PTPRG: variants seen among roughly 807,000 people sequenced by gnomAD.
PTPRG encodes protein tyrosine phosphatase receptor type G.
Under a neutral mutation model 165.3 loss-of-function variants are expected in PTPRG, and 102 were observed. The ratio of observed to expected loss-of-function variants is 0.62; its 90% CI spans 0.53 to 0.73. The LOEUF (loss-of-function observed/expected upper bound fraction) is 0.73. PTPRG is among the 30% of genes least tolerant of loss of function. The pLI, the probability that PTPRG is intolerant of heterozygous loss-of-function variation, is 0.00. For missense variants in PTPRG, 1,866 were observed against 1,861.4 expected (o/e 1.00, Z -0.05); for synonymous variants, 675 against 669.5 (o/e 1.01, Z -0.13).
Position 61,956,358 on chromosome 3 carries a change from G to A in PTPRG, c.191-33267G>A, listed in dbSNP as rs1007994559. Among the ~76,000 whole-genome samples the A allele has an allele frequency of 5.9e-5, 9 of 152,116 alleles. No individual in the cohort carries two copies. The South Asian group carries it at 1.5e-3, about 25-fold the overall frequency. On this transcript the variant is annotated intron_variant, in intron 2 of 29. Coordinates refer to ENST00000474889, the MANE Select transcript of PTPRG (RefSeq NM_002841.4). ...ATTCTACAGGGAAGAAGAGACAGTTGGAGACACTAATATTCCAGCTGTCGG... is the reference window on the plus strand; with the variant it reads ...ATTCTACAGGGAAGAAGAGACAGTTAGAGACACTAATATTCCAGCTGTCGG...
intron 2 of PTPRG, among the ~76,000 whole-genome samples, chr3:61,923,927 T>A (rs1248813775): frequency 6.6e-6 from 1 of 152,160 alleles, no homozygotes; most frequent in African/African-American, 2.4e-5. Context: ...ACGATTCATC[T>A]TCGAGAATAA....
chr3:62,001,152 T>C (rs2041163894), intron 3 of PTPRG, among the ~76,000 whole-genome samples: 1 of 152,218 alleles, frequency 6.6e-6, no homozygotes, highest in South Asian at 2.1e-4. Context: ...GCTGGGGAAG[T>C]TCTCTCATTC....
At chr3:61,938,666 G>C (rs532408771) in intron 2 of PTPRG, among the ~76,000 whole-genome samples, 1 of 152,264 alleles carries the variant, frequency 6.6e-6, no homozygotes, top group East Asian at 1.9e-4. Flanking sequence ...GGTGCGGTCA[G>C]TTGAAATATT....
chr3:62,243,857 G>A lies in PTPRG; in HGVS notation c.2426G>A (p.Arg809Gln), dbSNP rs777372586. ...HFYVEDSSSP[R>Q]VVPNESIPII... ...TATGTGGAAGACAGCAGTTCACCTC[G>A]AGTGGTCCCTAATGAAAGTATCCCT... The change falls in exon 15 of 30, where the codon CGA (arginine) becomes CAA (glutamine). Residue 809 changes from arginine to glutamine, a missense_variant. Physicochemically the swap from Arg to Gln is conservative, Grantham distance 43. This residue lies in a region of PTPRG where 1,452 missense variants were observed against 1,463.0 expected (regional missense o/e 0.99). Coordinates refer to ENST00000474889, the MANE Select transcript of PTPRG (RefSeq NM_002841.4). 20 of 1,595,482 alleles carry A rather than the reference G, an allele frequency of 1.3e-5. No individual in the cohort carries two copies. In the South Asian group the frequency reaches 1.4e-4, roughly 11 times the overall value.
chr3:61,805,068 C>G (rs2035371731), intron 2 of PTPRG, among the ~76,000 whole-genome samples: 1 of 152,216 alleles, frequency 6.6e-6, no homozygotes, highest in Non-Finnish European at 1.5e-5. Context: ...CAGGGTGGAT[C>G]TGCACCACTT....
At chr3:61,576,658 C>T (rs543774966) in intron 1 of PTPRG, among the ~76,000 whole-genome samples, 1 of 152,254 alleles carries the variant, frequency 6.6e-6, no homozygotes, top group Non-Finnish European at 1.5e-5. Flanking sequence ...ATTAACCAAC[C>T]TTCGAAAATA....
At chr3:62,078,432 A>G (rs974533657) in intron 5 of PTPRG, among the ~76,000 whole-genome samples, 174 bp downstream of exon 5, 1 of 152,224 alleles carries the variant, frequency 6.6e-6, no homozygotes, top group Non-Finnish European at 1.5e-5. Context: ...ATGTTTAGAA[A>G]CATAATGAAA....
chr3:61,834,767 C>G (rs145823059), intron 2 of PTPRG, among the ~76,000 whole-genome samples: 1 of 152,046 alleles, frequency 6.6e-6, no homozygotes, highest in East Asian at 1.9e-4. Flanking sequence ...GAGCTGAGAT[C>G]GTGCCACTGC....
At chr3:62,100,442 C>T (rs1702250861) in intron 5 of PTPRG, among the ~76,000 whole-genome samples, 1 of 152,030 alleles carries the variant, frequency 6.6e-6, no homozygotes, top group Non-Finnish European at 1.5e-5. Flanking sequence ...AAAACCCACC[C>T]CTACGCTGTC....
chr3:61,861,668 C>G (rs900352625), intron 2 of PTPRG, among the ~76,000 whole-genome samples: 6 of 152,120 alleles, frequency 3.9e-5, no homozygotes, highest in Admixed American at 3.9e-4. Context: ...ATAGGAAGGC[C>G]TAGAGTGGTG....
chr3:62,099,453 G>GA (rs1342782507), intron 5 of PTPRG, among the ~76,000 whole-genome samples: 3 of 151,034 alleles, frequency 2.0e-5, no homozygotes, highest in Non-Finnish European at 4.4e-5. Context: ...AAATTGTTAG[G>GA]AAAAAAACAC....
intron 1 of PTPRG, among the ~76,000 whole-genome samples, chr3:61,627,905 A>G (rs563138171): frequency 2.0e-5 from 3 of 152,206 alleles, no homozygotes; most frequent in Non-Finnish European, 4.4e-5. Context: ...TTGCAGCTTC[A>G]TTGTAAACCA....
intron 1 of PTPRG, among the ~76,000 whole-genome samples, chr3:61,684,892 C>G (rs1703571494): frequency 6.6e-6 from 1 of 152,136 alleles, no homozygotes; most frequent in African/African-American, 2.4e-5. Context: ...ATCGTGATAT[C>G]TGTCACCAGA....
intron 2 of PTPRG, among the ~76,000 whole-genome samples, chr3:61,829,447 T>C (rs889466607): frequency 1.3e-5 from 2 of 152,222 alleles, no homozygotes; most frequent in African/African-American, 4.8e-5. Flanking sequence ...TTATCATGCC[T>C]CACTTAGCCC....
intron 1 of PTPRG, among the ~76,000 whole-genome samples, chr3:61,668,671 C>T (rs182076585): frequency 3.9e-5 from 6 of 152,130 alleles, no homozygotes; most frequent in Admixed American, 2.0e-4. Flanking sequence ...ATGGGTTTGT[C>T]GCTTTTTTTT....
intron 2 of PTPRG, among the ~76,000 whole-genome samples, chr3:61,939,985 C>T (rs1358160900): frequency 9.6e-6 from 1 of 103,878 alleles, no homozygotes; most frequent in African/African-American, 3.8e-5. Context: ...TGCTCTGTTG[C>T]CCAGGCTGGA....
chr3:61,994,569 A>G (rs937305926), intron 3 of PTPRG, among the ~76,000 whole-genome samples: 3 of 152,198 alleles, frequency 2.0e-5, no homozygotes, highest in African/African-American at 7.2e-5. Context: ...GGAAGTCAAG[A>G]GTCATTTTCT....
At chr3:61,627,984 AG>A (rs1701658764) in intron 1 of PTPRG, among the ~76,000 whole-genome samples, 1 of 152,198 alleles carries the variant, frequency 6.6e-6, no homozygotes, top group Admixed American at 6.5e-5. Context: ...GCTGACATGG[AG>A]GAGTGCCAAC....
chr3:61,955,120 G>T (rs1429227171), intron 2 of PTPRG, among the ~76,000 whole-genome samples: 1 of 152,112 alleles, frequency 6.6e-6, no homozygotes, highest in Non-Finnish European at 1.5e-5. Context: ...AAACATGATG[G>T]ATAAGAATTA....
Sources: allele counts gnomAD v4.1 joint callset (sites outside exome capture counted in the v4.1 genomes callset), GRCh38; gene constraint gnomAD v4.1.1; regional missense constraint gnomAD v4.1.1; transcripts MANE v1.5; gene names NCBI Gene and HGNC (gene_info 2026-07-23, HGNC 2026-07-21).